The following GREM2 variants were observed in gnomAD, a reference collection of about 807,000 sequenced individuals.
GREM2 encodes the protein gremlin-2.
A neutral mutation model predicts 14.2 loss-of-function variants in GREM2; 11 were observed. The ratio of observed to expected loss-of-function variants is 0.78; its 90% CI spans 0.49 to 1.28. The LOEUF is 1.28. Ranked by LOEUF, GREM2 falls within the 50% of genes most tolerant of loss-of-function variation. The pLI is 0.00. For synonymous variants in GREM2, 98 were observed against 97.6 expected (o/e 1.00, Z -0.02); for missense variants, 210 against 218.5 (o/e 0.96, Z 0.24).
intron 1 of GREM2, among the ~76,000 whole-genome samples, chr1:240,604,782 A>G (rs189158909): frequency 3.4e-4 from 52 of 152,300 alleles, no homozygotes; most frequent in Admixed American, 7.2e-4. Flanking sequence ...ACATGGTGAG[A>G]CCCATCTCTT....
At chr1:240,522,266 A>C (rs1385204724) in intron 1 of GREM2, among the ~76,000 whole-genome samples, 3 of 152,190 alleles carry the variant, frequency 2.0e-5, no homozygotes, top group African/African-American at 7.2e-5. Flanking sequence ...AGACTTTTGA[A>C]ACGTGAATGC....
intron 1 of GREM2, among the ~76,000 whole-genome samples, chr1:240,529,538 G>T (rs557441702): frequency 6.6e-6 from 1 of 151,690 alleles, no homozygotes; most frequent in African/African-American, 2.4e-5. Flanking sequence ...CATATCTGAC[G>T]TATCTGTTAT....
At chr1:240,599,084 C>T (rs762326356) in intron 1 of GREM2, among the ~76,000 whole-genome samples, 4 of 151,968 alleles carry the variant, frequency 2.6e-5, no homozygotes, top group Non-Finnish European at 5.9e-5. Flanking sequence ...GCCTGGCTAA[C>T]ATGGCGAAAC....
intron 1 of GREM2, among the ~76,000 whole-genome samples, chr1:240,544,295 C>T (rs1678665426): frequency 6.6e-6 from 1 of 152,074 alleles, no homozygotes; most frequent in African/African-American, 2.4e-5. Context: ...CTACAGGCAC[C>T]TGCCACCACG....
chr1:240,498,015 C>G (rs1249588186), intron 1 of GREM2, among the ~76,000 whole-genome samples: 1 of 152,170 alleles, frequency 6.6e-6, no homozygotes, highest in East Asian at 1.9e-4. Flanking sequence ...CCAGTAACAG[C>G]TTCACATGCA....
intron 1 of GREM2, among the ~76,000 whole-genome samples, chr1:240,533,041 GA>G: frequency 6.6e-6 from 1 of 152,306 alleles, no homozygotes; most frequent in East Asian, 1.9e-4. Context: ...AGGGGACTAT[GA>G]TACAGAAACT....
chr1:240,577,666 T>TCTTAGTGTC (rs1329005664), intron 1 of GREM2, among the ~76,000 whole-genome samples: 1 of 152,200 alleles, frequency 6.6e-6, no homozygotes, highest in African/African-American at 2.4e-5. Flanking sequence ...GGGATGTTAG[T>TCTTAGTGTC]CTTAGTGTCA....
intron 1 of GREM2, among the ~76,000 whole-genome samples, chr1:240,561,924 G>A (rs1479953149): frequency 9.9e-5 from 15 of 152,060 alleles, no homozygotes. Flanking sequence ...TCAGCGTTGG[G>A]AACTACTGTC....
At chr1:240,581,164 C>G (rs7551924) in intron 1 of GREM2, among the ~76,000 whole-genome samples, 15,246 of 151,436 alleles carry the variant, frequency 0.1, 1,614 homozygotes, top group African/African-American at 0.27. Flanking sequence ...GCAAGAGAAT[C>G]GCTCAAATGG....
At chr1:240,559,198 T>C (rs1678998675) in intron 1 of GREM2, among the ~76,000 whole-genome samples, 1 of 152,194 alleles carries the variant, frequency 6.6e-6, no homozygotes, top group Non-Finnish European at 1.5e-5. Flanking sequence ...TGCACTTGGA[T>C]CTTTTACTTA....
intron 1 of GREM2, among the ~76,000 whole-genome samples, chr1:240,608,346 T>C (rs1025145871): frequency 3.3e-5 from 5 of 152,214 alleles, no homozygotes; most frequent in Non-Finnish European, 7.3e-5. Context: ...AGAAATCTCA[T>C]TACAGAGCTG....
At chr1:240,504,758 AATATATC>A (rs1320209178) in intron 1 of GREM2, among the ~76,000 whole-genome samples, 1 of 152,256 alleles carries the variant, frequency 6.6e-6, no homozygotes, top group Non-Finnish European at 1.5e-5. Context: ...ATTAACAGCT[AATATATC>A]ACCAAAAATA....
chr1:240,605,646 C>T lies in GREM2; in HGVS notation c.-2+6238G>A, dbSNP rs78978014. On this transcript the variant is annotated intron_variant, in intron 1 of 1. Coordinates refer to ENST00000318160, the MANE Select transcript of GREM2 (RefSeq NM_022469.4). ...AAATCTTCTAATCCAAAAATCACAG[C>T]GTTTCCAGAATTTTCAGTAATCTTA... is the stretch of plus-strand genomic sequence containing the variant. Among the ~76,000 whole-genome samples the T allele has an allele frequency of 9.2e-5, 14 of 152,116 alleles. No homozygotes were observed. In the East Asian group the frequency reaches 2.1e-3, roughly 23 times the overall value.
rs570665546 is a variant in GREM2 at position 240,541,137 on chromosome 1, G to A, written c.-1-47661C>T. On this transcript the variant is annotated intron_variant, in intron 1 of 1. Transcript: ENST00000318160. The stretch of plus-strand genomic sequence containing the variant: ...TCCCTGGGATAAAAGGGTGGGATCC[G>A]TATGAATAACTGCAGGTTGCCTTTT... Among the ~76,000 whole-genome samples the A allele has an allele frequency of 3.3e-5, 5 of 152,202 alleles. No individual in the cohort carries two copies. In the South Asian group the frequency reaches 8.3e-4, roughly 25 times the overall value.
chr1:240,551,765 C>T (rs1678859159), intron 1 of GREM2, among the ~76,000 whole-genome samples: 1 of 151,856 alleles, frequency 6.6e-6, no homozygotes, highest in South Asian at 2.1e-4. Flanking sequence ...TTTCTTTTTG[C>T]CTTCTTAAAT....
chr1:240,594,054 A>G (rs952739140), intron 1 of GREM2, among the ~76,000 whole-genome samples: 2 of 152,102 alleles, frequency 1.3e-5, no homozygotes, highest in African/African-American at 4.8e-5. Flanking sequence ...CCTGGGCTCA[A>G]GTAATCCTCC....
At chr1:240,550,321 C>G (rs1678821707) in intron 1 of GREM2, 4 of 152,312 alleles carry the variant, frequency 2.6e-5, no homozygotes, top group African/African-American at 9.6e-5. Flanking sequence ...CGCGCCCAGC[C>G]AGGGGCACTG....
intron 1 of GREM2, among the ~76,000 whole-genome samples, chr1:240,511,739 G>C (rs545877773): frequency 6.6e-6 from 1 of 152,148 alleles, no homozygotes; most frequent in South Asian, 2.1e-4. Context: ...CAGCCTGGGC[G>C]ACAAGAGCGA....
chr1:240,521,364 C>G (rs568289058), intron 1 of GREM2, among the ~76,000 whole-genome samples: 108 of 152,116 alleles, frequency 7.1e-4, no homozygotes, highest in Middle Eastern at 3.4e-3. Flanking sequence ...GTCAGGAGAT[C>G]GAGACCATCC....
Sources: gnomAD v4.1 joint callset for allele counts (sites outside exome capture counted in the v4.1 genomes callset) on GRCh38, gnomAD v4.1.1 for gene constraint, MANE v1.5 for transcripts, NCBI Gene and HGNC (gene_info 2026-07-23, HGNC 2026-07-21) for gene names.